IQCM: variants seen among roughly 807,000 people sequenced by gnomAD.
IQCM encodes IQ motif containing M, also known as IQ domain-containing protein M.
Under a neutral mutation model 57.6 loss-of-function variants are expected in IQCM, and 45 were observed. The ratio of observed to expected loss-of-function variants is 0.78; its 90% confidence interval spans 0.62 to 1.00. The LOEUF is 1.00. Among genes scored for constraint, IQCM ranks in the 50% least tolerant of loss-of-function variants. The pLI is 0.00. For missense variants in IQCM, 468 were observed against 511.6 expected, an observed-to-expected ratio of 0.91 and a Z score of 0.82; for synonymous variants, 148 against 158.9, an observed-to-expected ratio of 0.93 and a Z score of 0.51.
At chr4:149,742,223 C>A (rs773383982) in intron 3 of IQCM, among the ~76,000 whole-genome samples, 1 of 152,100 alleles carries the variant, frequency 6.6e-6, no homozygotes, top group Non-Finnish European at 1.5e-5. Context: ...TCACAACTCA[C>A]ATGCTAAATT....
chr4:149,510,516 T>C (rs1744294970), intron 12 of IQCM, among the ~76,000 whole-genome samples: 1 of 152,186 alleles, frequency 6.6e-6, no homozygotes. Flanking sequence ...GTATAGGGAA[T>C]ACTGAAATCC....
chr4:149,702,105 C>G (rs1763814529), intron 5 of IQCM, among the ~76,000 whole-genome samples: 1 of 151,822 alleles, frequency 6.6e-6, no homozygotes, highest in Non-Finnish European at 1.5e-5. Context: ...TAAAGTCAAT[C>G]TATTTAAACA....
At chr4:149,742,188 T>C (rs1364154217) in intron 3 of IQCM, among the ~76,000 whole-genome samples, 1 of 152,160 alleles carries the variant, frequency 6.6e-6, no homozygotes, top group Non-Finnish European at 1.5e-5. Flanking sequence ...AAACTCTATA[T>C]GTATTTTGTT....
At chr4:149,595,917 A>G (rs537340100) in intron 8 of IQCM, among the ~76,000 whole-genome samples, 1 of 152,182 alleles carries the variant, frequency 6.6e-6, no homozygotes. Context: ...AAGGTATCCT[A>G]AAGATAATGC....
At position 149,714,063 on chromosome 4, in the gene IQCM, G is replaced by A. The variant is rs114219815; in HGVS notation, c.385+19181C>T. On this transcript the variant is annotated intron_variant, in intron 5 of 13. Transcript: ENST00000636793. ...CTCAATTCTCTTTTGAATTGATCAC[G>A]CTACTAAAATAGTAGGTGTCAAGGT... 6.1e-3 allele frequency among the ~76,000 whole-genome samples: 924 copies of A among 151,974 alleles called. 9 individuals carry two copies. Among genetic ancestry groups the A allele is most frequent in the African/African-American group, 0.021 (851 of 41,436 alleles).
chr4:149,607,436 A>G (rs1431884342), intron 8 of IQCM, among the ~76,000 whole-genome samples: 1 of 152,162 alleles, frequency 6.6e-6, no homozygotes, highest in Non-Finnish European at 1.5e-5. Flanking sequence ...GTGAGCAACA[A>G]GAAATCATCT....
intron 11 of IQCM, 79 bp downstream of exon 11, chr4:149,553,064 C>G: frequency 3.8e-6 from 4 of 1,050,992 alleles, no homozygotes; most frequent in Non-Finnish European, 4.9e-6. Flanking sequence ...TTGCTTTCTA[C>G]AGGTAATTAT....
At chr4:149,752,414 T>C (rs1343420707) in intron 2 of IQCM, among the ~76,000 whole-genome samples, 1 of 151,914 alleles carries the variant, frequency 6.6e-6, no homozygotes, top group Non-Finnish European at 1.5e-5. Flanking sequence ...TAGCCAGGCA[T>C]GGTGGCAGGC....
intron 5 of IQCM, among the ~76,000 whole-genome samples, chr4:149,692,631 A>T (rs1366142390): frequency 6.6e-6 from 1 of 152,194 alleles, no homozygotes; most frequent in Non-Finnish European, 1.5e-5. Flanking sequence ...CTTTTTAAAA[A>T]GTAGTATATA....
At chr4:149,623,868 G>A (rs1411979834) in intron 7 of IQCM, among the ~76,000 whole-genome samples, 1 of 151,914 alleles carries the variant, frequency 6.6e-6, no homozygotes, top group East Asian at 1.9e-4. Context: ...ACGAATCTGA[G>A]GAAAACGCAA....
intron 8 of IQCM, among the ~76,000 whole-genome samples, chr4:149,607,774 T>C (rs543249135): frequency 6.6e-6 from 1 of 151,982 alleles, no homozygotes; most frequent in East Asian, 1.9e-4. Flanking sequence ...CAAAAATCTA[T>C]TTTAGATACG....
At chr4:149,355,136 A>G (rs558188909) in intron 13 of IQCM, among the ~76,000 whole-genome samples, 262 of 152,324 alleles carry the variant, frequency 1.7e-3, no homozygotes, top group African/African-American at 6.0e-3. Flanking sequence ...ACTGGCAATT[A>G]TAATATTATT....
At chr4:149,622,349 A>ATTTTTTTTTTT (rs897684407) in intron 7 of IQCM, among the ~76,000 whole-genome samples, 1 of 146,904 alleles carries the variant, frequency 6.8e-6, no homozygotes, top group East Asian at 2.0e-4. Context: ...ATTCTTTTTT[A>ATTTTTTTTTTT]TTTTTTTTTT....
intron 13 of IQCM, among the ~76,000 whole-genome samples, chr4:149,380,321 T>C (rs1382622955): frequency 2.0e-5 from 3 of 152,084 alleles, no homozygotes; most frequent in Non-Finnish European, 2.9e-5. Flanking sequence ...AGTAACTCTA[T>C]ACACACAAAG....
At chr4:149,450,588 G>C (rs1737005214) in intron 12 of IQCM, among the ~76,000 whole-genome samples, 1 of 151,686 alleles carries the variant, frequency 6.6e-6, no homozygotes, top group Non-Finnish European at 1.5e-5. Flanking sequence ...CATATAAAAG[G>C]CAAACAGGCA....
At chr4:149,360,252 C>A (rs947621838) in intron 13 of IQCM, among the ~76,000 whole-genome samples, 2 of 151,880 alleles carry the variant, frequency 1.3e-5, no homozygotes, top group East Asian at 1.9e-4. Context: ...AACACTATAA[C>A]AATAAAAAGC....
At chr4:149,544,800 T>C (rs1347368193) in intron 12 of IQCM, among the ~76,000 whole-genome samples, 6 of 152,186 alleles carry the variant, frequency 3.9e-5, no homozygotes, top group Non-Finnish European at 7.4e-5. Flanking sequence ...AGGGAAAGGA[T>C]AGTTTTTACA....
intron 12 of IQCM, among the ~76,000 whole-genome samples, chr4:149,536,363 C>T (rs1560963028): frequency 6.6e-6 from 1 of 151,964 alleles, no homozygotes; most frequent in Non-Finnish European, 1.5e-5. Flanking sequence ...GTACCCACCC[C>T]ACAGACACAG....
In IQCM at chr4:149,733,416, C is replaced by T; in HGVS notation, c.213G>A (p.Lys71=). 1 of 1,231,756 alleles carries T rather than the reference C, an allele frequency of 8.1e-7. No homozygotes were observed. The highest frequency in any genetic ancestry group is 1.0e-6 in the Non-Finnish European group (1 of 987,732). 76.3% of individuals were successfully genotyped at this position (1,231,756 alleles called of 1,614,324 possible). ...GTTCTTGCACCACATCACGTGTTAC[C>T]TTTTTGTCAATCTCCAAAGGTATGT... is the stretch of plus-strand genomic sequence containing the variant. ...GKYIPLEIDK[K]VTRDVVQEHR... Residue 71 remains lysine, a synonymous_variant, in exon 5 of 14, where the codon AAG becomes AAA. Transcript: ENST00000636793.
Sources: allele counts gnomAD v4.1 joint callset (sites outside exome capture counted in the v4.1 genomes callset), GRCh38; gene constraint gnomAD v4.1.1; transcripts MANE v1.5; gene names NCBI Gene and HGNC (gene_info 2026-07-23, HGNC 2026-07-21).